Variants in RARB observed in about 807,000 individuals in gnomAD.
RARB encodes the protein HBV-activated protein.
RARB carries 17 observed loss-of-function variants against 51.9 expected under a neutral mutation model. The ratio of observed to expected loss-of-function variants is 0.33; its 90% CI spans 0.22 to 0.49. The LOEUF is 0.49. Among genes scored for constraint, RARB ranks in the 20% least tolerant of loss-of-function variants. The pLI is 0.99. For missense variants in RARB, 369 were observed against 550.8 expected (o/e 0.67, Z 3.30); for synonymous variants, 215 against 195.4 (o/e 1.10, Z -0.84).
intron 5 of RARB, among the ~76,000 whole-genome samples, chr3:25,182,123 T>A (rs1237933436): frequency 2.0e-5 from 3 of 152,226 alleles, no homozygotes; most frequent in Non-Finnish European, 4.4e-5. Flanking sequence ...TTTGGAATCA[T>A]ACAGCAGGTG....
At chr3:25,380,465 T>C (rs1706591902) in intron 5 of RARB, among the ~76,000 whole-genome samples, 1 of 152,238 alleles carries the variant, frequency 6.6e-6, no homozygotes, top group Non-Finnish European at 1.5e-5. Context: ...AATGCAGTTA[T>C]GTGACCATTT....
At chr3:25,300,204 C>T (rs776259460) in intron 5 of RARB, among the ~76,000 whole-genome samples, 3 of 152,216 alleles carry the variant, frequency 2.0e-5, no homozygotes, top group Non-Finnish European at 4.4e-5. Context: ...CAAAACATGA[C>T]ACTGCTTTCT....
At chr3:25,530,027 G>C (rs917758073) in intron 3 of RARB, among the ~76,000 whole-genome samples, 1 of 151,866 alleles carries the variant, frequency 6.6e-6, no homozygotes, top group East Asian at 1.9e-4. Flanking sequence ...CCACGGACCC[G>C]TGGCTGCCTC....
intron 5 of RARB, among the ~76,000 whole-genome samples, chr3:25,196,883 G>C (rs557847769): frequency 6.6e-6 from 1 of 151,838 alleles, no homozygotes; most frequent in Non-Finnish European, 1.5e-5. Flanking sequence ...GAGAAGTGTT[G>C]GTTCATATCC....
intron 5 of RARB, among the ~76,000 whole-genome samples, chr3:25,199,132 C>T (rs1281935816): frequency 1.3e-5 from 2 of 152,060 alleles, no homozygotes; most frequent in Admixed American, 6.6e-5. Context: ...CAATGAGATC[C>T]TGTCATTTGC....
At chr3:25,394,235 A>G (rs1404666963) in intron 5 of RARB, among the ~76,000 whole-genome samples, 5 of 151,952 alleles carry the variant, frequency 3.3e-5, no homozygotes, top group African/African-American at 4.8e-5. Flanking sequence ...TTGATTTCCA[A>G]TTTTATTCTA....
intron 5 of RARB, among the ~76,000 whole-genome samples, chr3:25,388,587 A>G (rs1053632578): frequency 6.6e-6 from 1 of 152,246 alleles, no homozygotes; most frequent in Non-Finnish European, 1.5e-5. Flanking sequence ...TGCCCTGGCA[A>G]AATGAAATTT....
chr3:24,859,593 A>G (rs1186020031), intron 2 of RARB, among the ~76,000 whole-genome samples: 2 of 152,224 alleles, frequency 1.3e-5, no homozygotes, highest in Non-Finnish European at 2.9e-5. Flanking sequence ...TCCCAGACTC[A>G]ACCAATATAA....
At chr3:24,875,591 C>T (rs1207613912) in intron 2 of RARB, among the ~76,000 whole-genome samples, 1 of 152,078 alleles carries the variant, frequency 6.6e-6, no homozygotes, top group African/African-American at 2.4e-5. Context: ...ATATATATTG[C>T]AACTTCAAAA....
intron 2 of RARB, among the ~76,000 whole-genome samples, chr3:25,489,931 C>T (rs1422086478): frequency 6.6e-6 from 1 of 152,254 alleles, no homozygotes; most frequent in African/African-American, 2.4e-5. Flanking sequence ...AGCCTGGACT[C>T]ACCACAGCTT....
intron 3 of RARB, among the ~76,000 whole-genome samples, chr3:25,566,762 A>T (rs1700511514): frequency 6.6e-6 from 1 of 152,240 alleles, no homozygotes; most frequent in Non-Finnish European, 1.5e-5. Flanking sequence ...AGGAGCAGAC[A>T]CAGGTCCTGC....
At chr3:25,559,776 GGATGGACA>G (rs1700199027) in intron 3 of RARB, among the ~76,000 whole-genome samples, 1 of 152,180 alleles carries the variant, frequency 6.6e-6, no homozygotes, top group Admixed American at 6.5e-5. Context: ...ATAGATGAAA[GGATGGACA>G]GATGGACAAA....
intron 3 of RARB, among the ~76,000 whole-genome samples, chr3:25,065,212 C>T (rs201675202): frequency 1.5e-4 from 22 of 151,514 alleles, no homozygotes; most frequent in African/African-American, 3.9e-4. Context: ...AAACTCCTTG[C>T]GAACAACCTG....
intron 3 of RARB, among the ~76,000 whole-genome samples, chr3:25,072,618 G>T (rs1266012489): frequency 6.6e-6 from 1 of 152,182 alleles, no homozygotes. Flanking sequence ...ACGGTCTGAT[G>T]TAAGAACCTC....
intron 3 of RARB, among the ~76,000 whole-genome samples, chr3:25,122,686 C>T (rs926469568): frequency 1.5e-4 from 23 of 152,198 alleles, no homozygotes; most frequent in African/African-American, 4.1e-4. Flanking sequence ...TCTTAAGTCA[C>T]GGCAAGTAAG....
chr3:25,091,589 TC>T (rs1354057980), intron 3 of RARB, among the ~76,000 whole-genome samples: 4 of 152,142 alleles, frequency 2.6e-5, no homozygotes, highest in African/African-American at 4.8e-5. Context: ...AGGGTATTTT[TC>T]CCCACTTACT....
At position 25,252,719 on chromosome 3, in the gene RARB, A is replaced by G. The variant is rs538605499; in HGVS notation, c.178+78144A>G. Among the ~76,000 whole-genome samples the G allele has an allele frequency of 1.8e-3, 272 of 152,316 alleles. 1 individual carries two copies. Among genetic ancestry groups the G allele is most frequent in the Non-Finnish European group, 3.1e-3 (213 of 68,010 alleles). ...CTTGTATTCTGCCACCTTGCTGAAC[A>G]TATTTATTACTTCTAATAAATTTTT... On this transcript the variant is annotated intron_variant, in intron 5 of 11. Coordinates refer to the RARB transcript ENST00000383772.
intron 1 of RARB, among the ~76,000 whole-genome samples, chr3:24,848,418 T>C (rs1702512245): frequency 6.6e-6 from 1 of 152,202 alleles, no homozygotes; most frequent in East Asian, 1.9e-4. Flanking sequence ...TTTAACTGTT[T>C]TTTTAAATAC....
chr3:25,537,835 T>C (rs926651657), intron 3 of RARB, among the ~76,000 whole-genome samples: 17 of 152,206 alleles, frequency 1.1e-4, no homozygotes, highest in African/African-American at 3.4e-4. Context: ...CTGTATCTCC[T>C]ACCTCTTTTC....
Sources: gnomAD v4.1 joint callset for allele counts (sites outside exome capture counted in the v4.1 genomes callset) on GRCh38, gnomAD v4.1.1 for gene constraint, MANE v1.5 for transcripts, NCBI Gene and HGNC (gene_info 2026-07-23, HGNC 2026-07-21) for gene names.